Variants in RAD51B observed in about 807,000 individuals in gnomAD.
The protein encoded by RAD51B is RAD51 paralog B.
A neutral mutation model predicts 42.2 loss-of-function variants in RAD51B; 38 were observed. That is an observed-to-expected ratio of 0.90 (90% CI 0.70 to 1.18). The LOEUF (loss-of-function observed/expected upper bound fraction) is 1.18, where lower values mean the gene tolerates loss of function less well. Ranked by LOEUF, RAD51B falls within the 50% of genes most tolerant of loss-of-function variation. The pLI is 0.00. For missense variants in RAD51B, 373 were observed against 400.7 expected, an observed-to-expected ratio of 0.93 and a Z score of 0.59; for synonymous variants, 154 against 145.2, an observed-to-expected ratio of 1.06 and a Z score of -0.43.
At chr14:67,892,622 T>C (rs1424658425) in intron 7 of RAD51B, among the ~76,000 whole-genome samples, 3 of 152,226 alleles carry the variant, frequency 2.0e-5, no homozygotes, top group African/African-American at 4.8e-5. Context: ...AAGGGTGTTA[T>C]ATGCCTGAGG....
At chr14:68,091,625 A>G (rs1404638734) in intron 7 of RAD51B, among the ~76,000 whole-genome samples, 1 of 152,138 alleles carries the variant, frequency 6.6e-6, no homozygotes, top group Non-Finnish European at 1.5e-5. Context: ...TAGATTGCAA[A>G]AATTGTCTCC....
chr14:68,327,447 A>G (rs1188234004), intron 8 of RAD51B, among the ~76,000 whole-genome samples: 1 of 147,590 alleles, frequency 6.8e-6, no homozygotes, highest in African/African-American at 2.5e-5. Context: ...TTCTCCTTCT[A>G]CGCTTAGGCC....
intron 7 of RAD51B, among the ~76,000 whole-genome samples, chr14:68,039,500 A>G (rs898666055): frequency 6.6e-6 from 1 of 152,172 alleles, no homozygotes; most frequent in East Asian, 1.9e-4. Context: ...AAAACTTGAG[A>G]AAATATTCTT....
intron 11 of RAD51B, among the ~76,000 whole-genome samples, chr14:68,679,037 C>T (rs1893371599): frequency 1.3e-5 from 2 of 152,068 alleles, no homozygotes; most frequent in South Asian, 4.2e-4. Flanking sequence ...TAAGGCCATG[C>T]AGAGTAATTA....
intron 7 of RAD51B, among the ~76,000 whole-genome samples, chr14:67,938,541 A>C (rs1234438594): frequency 3.9e-5 from 6 of 152,320 alleles, no homozygotes; most frequent in Middle Eastern, 3.4e-3. Context: ...CATAGCCCCC[A>C]AGAGAATTGT....
At chr14:67,952,139 A>G (rs2074464181) in intron 7 of RAD51B, among the ~76,000 whole-genome samples, 1 of 152,094 alleles carries the variant, frequency 6.6e-6, no homozygotes, top group African/African-American at 2.4e-5. Context: ...GTCACAAAAG[A>G]TTCAACAGTC....
At chr14:68,497,143 A>C (rs1234466350) in intron 10 of RAD51B, 1 of 1,398,760 alleles carries the variant, frequency 7.1e-7, no homozygotes, top group Admixed American at 2.0e-5. Flanking sequence ...ATTCCTAGAG[A>C]CAGATAAATG....
intron 8 of RAD51B, among the ~76,000 whole-genome samples, chr14:68,301,733 A>T (rs1018042314): frequency 4.0e-5 from 6 of 151,770 alleles, no homozygotes; most frequent in African/African-American, 1.5e-4. Context: ...AGTAGCTGGG[A>T]TTACAGGCAT....
chr14:68,019,832 G>A (rs2075835438), intron 7 of RAD51B, among the ~76,000 whole-genome samples: 1 of 152,178 alleles, frequency 6.6e-6, no homozygotes, highest in African/African-American at 2.4e-5. Context: ...TAGAGATTCA[G>A]CCATTGCATC....
At chr14:68,540,017 G>T (rs1887867783) in intron 10 of RAD51B, among the ~76,000 whole-genome samples, 1 of 152,028 alleles carries the variant, frequency 6.6e-6, no homozygotes, top group Non-Finnish European at 1.5e-5. Flanking sequence ...CTGGCAGGAT[G>T]TGTCCTCAGA....
chr14:68,608,660 G>A (rs1214655330), intron 10 of RAD51B, among the ~76,000 whole-genome samples: 1 of 152,140 alleles, frequency 6.6e-6, no homozygotes, highest in African/African-American at 2.4e-5. Context: ...CACAGTTCCC[G>A]GGCATGAAAC....
intron 7 of RAD51B, among the ~76,000 whole-genome samples, chr14:68,202,940 A>G (rs1042644716): frequency 1.2e-4 from 18 of 152,138 alleles, no homozygotes; most frequent in Admixed American, 1.0e-3. Flanking sequence ...TCACAGCTTC[A>G]GGCTCTACTT....
chr14:68,498,286 A>G (rs1884682941), intron 10 of RAD51B, among the ~76,000 whole-genome samples: 1 of 152,244 alleles, frequency 6.6e-6, no homozygotes. Context: ...GAGAAAGTGG[A>G]CCCTCAGCAG....
chr14:68,201,074 G>A (rs895740897), intron 7 of RAD51B, among the ~76,000 whole-genome samples: 18 of 152,080 alleles, frequency 1.2e-4, no homozygotes, highest in South Asian at 2.1e-4. Flanking sequence ...AAGTAGTAGA[G>A]TTTCATTACT....
chr14:68,143,691 T>C (rs1450716408), intron 7 of RAD51B, among the ~76,000 whole-genome samples: 1 of 152,178 alleles, frequency 6.6e-6, no homozygotes, highest in Non-Finnish European at 1.5e-5. Context: ...CCTTGCCTAA[T>C]CTCCTTCCTT....
chr14:68,450,136 G>C (rs1269120590), intron 9 of RAD51B, among the ~76,000 whole-genome samples: 1 of 150,688 alleles, frequency 6.6e-6, no homozygotes, highest in Non-Finnish European at 1.5e-5. Context: ...TGGCCTGCCT[G>C]GTAGGCGGAT....
chr14:68,106,377 A>G (rs545137560), intron 7 of RAD51B, among the ~76,000 whole-genome samples: 4 of 152,092 alleles, frequency 2.6e-5, no homozygotes, highest in African/African-American at 9.6e-5. Flanking sequence ...AGCATGGTTA[A>G]TATATCATTA....
chr14:68,345,976 A>G (rs1264141840), intron 8 of RAD51B, among the ~76,000 whole-genome samples: 3 of 152,212 alleles, frequency 2.0e-5, no homozygotes, highest in Non-Finnish European at 4.4e-5. Flanking sequence ...ATAGTGATGC[A>G]AGAACAGACT....
At chr14:68,332,989 G>A (rs540134922) in intron 8 of RAD51B, among the ~76,000 whole-genome samples, 3 of 152,154 alleles carry the variant, frequency 2.0e-5, no homozygotes, top group Non-Finnish European at 4.4e-5. Context: ...GAGGGACCAG[G>A]AAAATGGATA....
Sources: gnomAD v4.1 joint callset for allele counts (sites outside exome capture counted in the v4.1 genomes callset) on GRCh38, gnomAD v4.1.1 for gene constraint, MANE v1.5 for transcripts, NCBI Gene and HGNC (gene_info 2026-07-23, HGNC 2026-07-21) for gene names.